The following ADCY5 variants were observed in gnomAD, a reference collection of about 807,000 sequenced individuals.
The protein encoded by ADCY5 is adenylate cyclase 5.
ADCY5 carries 30 observed loss-of-function variants against 119.7 expected under a neutral mutation model. The ratio of observed to expected loss-of-function variants is 0.25; its 90% CI spans 0.19 to 0.34. The LOEUF (loss-of-function observed/expected upper bound fraction) is 0.34, where lower values mean the gene tolerates loss of function less well. Among genes scored for constraint, ADCY5 ranks in the 10% least tolerant of loss-of-function variants. The pLI, the probability that ADCY5 is intolerant of heterozygous loss-of-function variation, is 1.00. For synonymous variants in ADCY5, 753 were observed against 762.2 expected (o/e 0.99, Z 0.20); for missense variants, 1,324 against 1,775.2 (o/e 0.75, Z 4.57).
intron 1 of ADCY5, among the ~76,000 whole-genome samples, chr3:123,422,572 C>A (rs776099058): frequency 9.9e-5 from 15 of 152,178 alleles, no homozygotes; most frequent in Non-Finnish European, 2.2e-4. Flanking sequence ...CCGGCACCTA[C>A]CATTAAACCA....
chr3:123,377,756 CCT>C (rs1943885218), intron 1 of ADCY5, among the ~76,000 whole-genome samples: 1 of 151,930 alleles, frequency 6.6e-6, no homozygotes, highest in African/African-American at 2.4e-5. Context: ...CTGGTGAAAC[CCT>C]GTCTCTACTA....
intron 1 of ADCY5, among the ~76,000 whole-genome samples, chr3:123,398,107 A>G (rs1944654845): frequency 6.6e-6 from 1 of 152,194 alleles, no homozygotes; most frequent in Admixed American, 6.5e-5. Context: ...CAAAGCAACC[A>G]TCTGCTGCCC....
chr3:123,345,769 GAC>G (rs56185421), intron 3 of ADCY5, among the ~76,000 whole-genome samples: 104 of 113,834 alleles, frequency 9.1e-4, no homozygotes, highest in African/African-American at 4.1e-3. Flanking sequence ...CAGACAGACA[GAC>G]ACACACACAC....
intron 20 of ADCY5, among the ~76,000 whole-genome samples, chr3:123,285,511 G>A (rs966006328): frequency 3.3e-5 from 5 of 152,152 alleles, no homozygotes; most frequent in Non-Finnish European, 5.9e-5. Flanking sequence ...TGTGAGCATC[G>A]TCAGAGCTCC....
intron 1 of ADCY5, among the ~76,000 whole-genome samples, chr3:123,404,053 C>T (rs1238725572): frequency 1.3e-5 from 2 of 152,156 alleles, no homozygotes; most frequent in African/African-American, 2.4e-5. Context: ...GGAGTAAGAC[C>T]CACTTCTCTT....
At chr3:123,376,269 A>C (rs1232242057) in intron 1 of ADCY5, among the ~76,000 whole-genome samples, 1 of 144,606 alleles carries the variant, frequency 6.9e-6, no homozygotes. Flanking sequence ...ACTCCTCATC[A>C]CCATCGCTGC....
chr3:123,400,079 G>A (rs1944711896), intron 1 of ADCY5, among the ~76,000 whole-genome samples: 1 of 152,208 alleles, frequency 6.6e-6, no homozygotes, highest in African/African-American at 2.4e-5. Flanking sequence ...AATTGTCTCT[G>A]CAATAGGAGG....
rs117972536 is a variant in ADCY5 at position 123,317,874 on chromosome 3, C to T, written c.2354+146G>A. 1,256 of 721,914 alleles carry T rather than the reference C, an allele frequency of 1.7e-3. 30 individuals are homozygous for T. In the East Asian group the frequency reaches 0.029, roughly 17 times the overall value. The allele number at this position is 721,914 out of a possible 1,614,324, so 44.7% of individuals were successfully genotyped here. On this transcript the variant is annotated intron_variant, in intron 11 of 20. Coordinates refer to ENST00000462833, the MANE Select transcript of ADCY5 (RefSeq NM_183357.3). ...GTCAGACCCCTGGCTTCCTACCCCA[C>T]CAAGGGCACACTCAGAAACTTCTCT...
intron 1 of ADCY5, chr3:123,419,304 T>C: frequency 1.7e-6 from 1 of 603,054 alleles, no homozygotes; most frequent in Non-Finnish European, 2.1e-6. Context: ...TCTCTTTGAA[T>C]GGCAGCACTA....
intron 1 of ADCY5, among the ~76,000 whole-genome samples, chr3:123,374,412 A>G (rs562206287): frequency 6.6e-6 from 1 of 152,330 alleles, no homozygotes; most frequent in Admixed American, 6.5e-5. Flanking sequence ...ATGATATTTA[A>G]TAACAGCTAC....
intron 17 of ADCY5, among the ~76,000 whole-genome samples, chr3:123,295,599 G>A (rs1939449004): frequency 6.6e-6 from 1 of 152,162 alleles, no homozygotes; most frequent in African/African-American, 2.4e-5. Flanking sequence ...ACCCAGCTCT[G>A]GCTAGGTCAA....
chr3:123,398,798 G>A (rs775682352), intron 1 of ADCY5, among the ~76,000 whole-genome samples: 1 of 152,056 alleles, frequency 6.6e-6, no homozygotes, highest in Non-Finnish European at 1.5e-5. Context: ...CTCCTTTAGC[G>A]AGCCACACTG....
At chr3:123,357,452 T>G (rs1008511480) in intron 1 of ADCY5, among the ~76,000 whole-genome samples, 1 of 152,080 alleles carries the variant, frequency 6.6e-6, no homozygotes, top group Non-Finnish European at 1.5e-5. Context: ...GTAATCTGAC[T>G]CCTCCTATAG....
At chr3:123,394,836 GA>G (rs1944498193) in intron 1 of ADCY5, among the ~76,000 whole-genome samples, 1 of 152,200 alleles carries the variant, frequency 6.6e-6, no homozygotes, top group Non-Finnish European at 1.5e-5. Flanking sequence ...GAGTCACCCA[GA>G]AAAGGTCGCA....
chr3:123,335,292 G>A (rs564764931), intron 3 of ADCY5, among the ~76,000 whole-genome samples: 7 of 152,254 alleles, frequency 4.6e-5, no homozygotes, highest in Admixed American at 2.0e-4. Context: ...TGGCCTCTGC[G>A]TGGTGTGTCT....
At position 123,352,414 on chromosome 3, in the gene ADCY5, G is replaced by A; in HGVS notation, c.1284+18C>T. Reference sequence around the variant, plus strand: ...GCTCGACTCCGTCCCACTGTGCAAGGGCAGGGGCCTCACTCACCTGCTGCT... The same window carrying A: ...GCTCGACTCCGTCCCACTGTGCAAGAGCAGGGGCCTCACTCACCTGCTGCT... On this transcript the variant is annotated intron_variant, in intron 2 of 20. Coordinates refer to ENST00000462833, the MANE Select transcript of ADCY5 (RefSeq NM_183357.3). This position sits in a 1 kb window ranked among gnomAD's most constrained non-coding sequence, Gnocchi z 4.8. 2 of 1,607,292 alleles carry A rather than the reference G, an allele frequency of 1.2e-6. No individual in the cohort carries two copies. Among genetic ancestry groups the A allele is most frequent in the Non-Finnish European group, 1.7e-6 (2 of 1,178,232 alleles).
intron 8 of ADCY5, among the ~76,000 whole-genome samples, chr3:123,324,228 C>T (rs1179948451): frequency 6.6e-6 from 1 of 152,136 alleles, no homozygotes; most frequent in Non-Finnish European, 1.5e-5. Context: ...GCGACTGGGT[C>T]CCCAGCATGT....
intron 3 of ADCY5, among the ~76,000 whole-genome samples, chr3:123,336,278 CCA>C (rs902685241): frequency 6.6e-6 from 1 of 152,230 alleles, no homozygotes; most frequent in African/African-American, 2.4e-5. Context: ...GAGGTCTCTC[CCA>C]CAGTTTGTGA....
chr3:123,390,907 G>A (rs976136785), intron 1 of ADCY5, among the ~76,000 whole-genome samples: 2 of 152,256 alleles, frequency 1.3e-5, no homozygotes, highest in Non-Finnish European at 2.9e-5. Context: ...AGAGAGACAC[G>A]TGGGATGTGA....
Sources: gnomAD v4.1 joint callset for allele counts (sites outside exome capture counted in the v4.1 genomes callset) on GRCh38, gnomAD v4.1.1 for gene constraint, Gnocchi (gnomAD v3.1) non-coding constraint, MANE v1.5 for transcripts, NCBI Gene and HGNC (gene_info 2026-07-23, HGNC 2026-07-21) for gene names.